CCDC144A: variants seen among roughly 807,000 people sequenced by gnomAD.
The protein encoded by CCDC144A is coiled-coil domain containing 144A.
CCDC144A carries 41 observed loss-of-function variants against 143.8 expected under a neutral mutation model. That is an observed-to-expected ratio of 0.29 (90% CI 0.22 to 0.37). The LOEUF is 0.37. CCDC144A is among the 10% of genes least tolerant of loss of function. The pLI is 1.00. For missense variants in CCDC144A, 637 were observed against 1,488.8 expected, an observed-to-expected ratio of 0.43 and a Z score of 9.41; for synonymous variants, 242 against 517.9, an observed-to-expected ratio of 0.47 and a Z score of 7.23.
chr17:16,718,976 C>T (rs1183169531), intron 6 of CCDC144A, among the ~76,000 whole-genome samples: 10 of 137,076 alleles, frequency 7.3e-5, no homozygotes, highest in African/African-American at 2.7e-4. Context: ...GGATTACAGG[C>T]GCCCGCCACC....
At chr17:16,753,428 G>GTTTTTTGTTGTTGTTGTTGTTGTTT (rs1914895477) in intron 12 of CCDC144A, among the ~76,000 whole-genome samples, 1 of 57,374 alleles carries the variant, frequency 1.7e-5, no homozygotes, top group African/African-American at 7.0e-5. Context: ...GTGTTTTGTA[G>GTTTTTTGTTGTTGTTGTTGTTGTTT]TTTTTTTTTT....
upstream of CCDC144A, among the ~76,000 whole-genome samples, chr17:16,686,091 GTTTTTTTTTTT>G (rs67135656): frequency 6.1e-3 from 695 of 114,718 alleles, 7 homozygotes; most frequent in African/African-American, 0.022. Flanking sequence ...TGTTTTTTTT[GTTTTTTTTTTT>G]TTTTTTTTTT....
the CCDC144A span, among the ~76,000 whole-genome samples, chr17:16,667,744 G>A: frequency 1.3e-5 from 2 of 151,420 alleles, no homozygotes; most frequent in South Asian, 4.2e-4. Flanking sequence ...TTTATTACGC[G>A]TTTTCTCCTA....
At chr17:16,708,252 A>G (rs1257159707) in intron 4 of CCDC144A, among the ~76,000 whole-genome samples, 1 of 152,334 alleles carries the variant, frequency 6.6e-6, no homozygotes, top group African/African-American at 2.4e-5. Context: ...ACAGTATATA[A>G]TTTAAATTAA....
intron 12 of CCDC144A, among the ~76,000 whole-genome samples, chr17:16,755,762 A>G (rs1915051938): frequency 6.6e-6 from 1 of 152,120 alleles, no homozygotes; most frequent in African/African-American, 2.4e-5. Context: ...GGTTTTGCCA[A>G]ATTGCCCAGG....
intron 14 of CCDC144A, among the ~76,000 whole-genome samples, chr17:16,763,717 G>A (rs2143382104): frequency 6.6e-6 from 1 of 151,900 alleles, no homozygotes; most frequent in Admixed American, 6.6e-5. Context: ...AGTCTTTTCT[G>A]TCCCCTCCCT....
rs2143415270 is a variant in CCDC144A at position 16,771,966 on chromosome 17, AC to A, written c.4099-10del. On this transcript the variant is annotated splice_polypyrimidine_tract_variant and intron_variant, in intron 15 of 16. Coordinates refer to ENST00000399273, the MANE Select transcript of CCDC144A (RefSeq NM_001382000.1). ...TCTTAAACGTTATAAATAATATTTG[AC>A]TTATTTCAGATGCAGCAGAAGTTGC... 1 of 1,522,720 alleles carries A rather than the reference AC, an allele frequency of 6.6e-7. No individual in the cohort carries two copies. Among genetic ancestry groups the A allele is most frequent in the East Asian group, 2.5e-5 (1 of 40,386 alleles). 94.3% of individuals were successfully genotyped at this position (1,522,720 alleles called of 1,614,324 possible). A position where few individuals can be genotyped will look rare whatever the true frequency, so the allele number is the denominator to read the frequency against.
chr17:16,758,364 T>C (rs1156756373), intron 12 of CCDC144A, among the ~76,000 whole-genome samples: 2 of 152,266 alleles, frequency 1.3e-5, no homozygotes, highest in African/African-American at 4.8e-5. Flanking sequence ...TGCAAGATCC[T>C]ACCATCTTTA....
At chr17:16,678,751 G>GTTC in the CCDC144A span, among the ~76,000 whole-genome samples, 2,784 of 78,100 alleles carry the variant, frequency 0.036, 120 homozygotes, top group African/African-American at 0.12. Context: ...TGGCTAATTT[G>GTTC]TTTTTTTTTT....
intron 2 of CCDC144A, among the ~76,000 whole-genome samples, chr17:16,699,474 C>G (rs1911600561): frequency 8.8e-6 from 1 of 113,070 alleles, no homozygotes; most frequent in Non-Finnish European, 1.8e-5. Context: ...CTCCCGGGTT[C>G]ACACCATTCT....
the CCDC144A span, chr17:16,684,127 T>C: frequency 8.7e-7 from 1 of 1,152,898 alleles, no homozygotes; most frequent in Admixed American, 1.7e-5. Flanking sequence ...GGGTTCAAGG[T>C]TGGAAGAAAA....
intron 6 of CCDC144A, among the ~76,000 whole-genome samples, chr17:16,715,329 A>G (rs1294448585): frequency 6.6e-6 from 1 of 151,360 alleles, no homozygotes; most frequent in Non-Finnish European, 1.5e-5. Context: ...AAAAAAAGAA[A>G]GAAAGAAAAA....
intron 8 of CCDC144A, among the ~76,000 whole-genome samples, chr17:16,722,347 C>T (rs1438032928): frequency 2.0e-5 from 3 of 152,008 alleles, no homozygotes; most frequent in Admixed American, 6.6e-5. Flanking sequence ...TTATTTAGAG[C>T]GTTTTAAAAG....
chr17:16,686,072 G>A (rs1022804397), upstream of CCDC144A, among the ~76,000 whole-genome samples: 9 of 149,192 alleles, frequency 6.0e-5, no homozygotes, highest in Non-Finnish European at 1.5e-5. Context: ...ATGAGCCACC[G>A]AGCCCGGCTG....
the CCDC144A span, among the ~76,000 whole-genome samples, chr17:16,672,203 T>G: frequency 6.6e-6 from 1 of 152,138 alleles, no homozygotes; most frequent in Non-Finnish European, 1.5e-5. Context: ...ACTGTGACCC[T>G]TACTGGTATC....
intron 2 of CCDC144A, among the ~76,000 whole-genome samples, chr17:16,696,203 CAG>C (rs1911391536): frequency 6.6e-6 from 1 of 152,034 alleles, no homozygotes; most frequent in African/African-American, 2.4e-5. Context: ...TCAGTAGAGA[CAG>C]GGTTTCGGCA....
chr17:16,745,798 C>T (rs1914473391), intron 12 of CCDC144A: 23 of 1,610,700 alleles, frequency 1.4e-5, no homozygotes, highest in Middle Eastern at 1.7e-4. Context: ...GCTGGACTGT[C>T]GTCACACCTC....
intron 3 of CCDC144A, 100 bp from the exon 4 acceptor site, chr17:16,707,369 A>G (rs1200545590): frequency 1.5e-6 from 1 of 649,362 alleles, no homozygotes; most frequent in Non-Finnish European, 2.6e-6. Context: ...CTCTCAATTT[A>G]TGAAATAAAA....
the CCDC144A span, among the ~76,000 whole-genome samples, chr17:16,668,320 A>T: frequency 5.3e-5 from 8 of 152,206 alleles, no homozygotes; most frequent in African/African-American, 1.9e-4. Context: ...TTAATTAAAT[A>T]TACTTTAGTC....
Sources: gnomAD v4.1 joint callset for allele counts (sites outside exome capture counted in the v4.1 genomes callset) on GRCh38, gnomAD v4.1.1 for gene constraint, MANE v1.5 for transcripts, NCBI Gene and HGNC (gene_info 2026-07-23, HGNC 2026-07-21) for gene names.